PIK3R6: variants seen among roughly 807,000 people sequenced by gnomAD.
PIK3R6 encodes phosphoinositide 3-kinase regulatory subunit 6.
In PIK3R6, 91 loss-of-function variants were observed where a neutral mutation model predicts 84.9. The ratio of observed to expected loss-of-function variants is 1.07; its 90% CI spans 0.90 to 1.28. PIK3R6 has a LOEUF of 1.28. Among genes scored for constraint, PIK3R6 ranks in the 50% most tolerant of loss-of-function variants. PIK3R6 has a pLI of 0.00. For synonymous variants in PIK3R6, 416 were observed against 411.4 expected (o/e 1.01, Z -0.13); for missense variants, 996 against 985.1 (o/e 1.01, Z -0.15).
chr17:8,843,015 C>T (rs35820066), intron 2 of PIK3R6, among the ~76,000 whole-genome samples: 2 of 152,108 alleles, frequency 1.3e-5, no homozygotes, highest in East Asian at 3.9e-4. Flanking sequence ...ATCCCTGAAG[C>T]CCCCACTTGG....
chr17:8,827,487 A>C (rs2087962492), intron 12 of PIK3R6, among the ~76,000 whole-genome samples, 193 bp from the exon 13 acceptor site: 1 of 152,190 alleles, frequency 6.6e-6, no homozygotes, highest in African/African-American at 2.4e-5. Flanking sequence ...GCTGAGGTTC[A>C]CTCAGCAGGG....
intron 12 of PIK3R6, 43 bp from the exon 13 acceptor site, chr17:8,827,337 CA>C: frequency 6.5e-7 from 1 of 1,538,766 alleles, no homozygotes; most frequent in Non-Finnish European, 8.7e-7. Context: ...GCCCTCTCTC[CA>C]GCTCTGCCTT....
Position 8,837,792 on chromosome 17 carries a change from C to A in PIK3R6, c.258+11G>T. Reference sequence around the variant, plus strand: ...TCACCACTACCACCTCGACCTCAGTCCCCAGCTCACCTTGGTGAGCACGTA... The same window carrying A: ...TCACCACTACCACCTCGACCTCAGTACCCAGCTCACCTTGGTGAGCACGTA... On this transcript the variant is annotated intron_variant, in intron 5 of 19. Transcript: ENST00000619866. 1 of 1,611,260 alleles carries A rather than the reference C, an allele frequency of 6.2e-7. No individual in the cohort carries two copies. Among genetic ancestry groups the A allele is most frequent in the South Asian group, 1.1e-5 (1 of 90,946 alleles).
At chr17:8,833,096 C>T in intron 8 of PIK3R6, 51 bp from the exon 9 acceptor site, 1 of 1,493,918 alleles carries the variant, frequency 6.7e-7, no homozygotes, top group East Asian at 2.5e-5. Flanking sequence ...GCCCACGCAC[C>T]CCAGCTCCTA....
Position 8,835,362 on chromosome 17 carries a change from C to T in PIK3R6, c.556G>A (p.Glu186Lys). Reference sequence around the variant, plus strand: ...GAGACCACGTGGCGCATGCAGGTCTCTGGTGTCTGCTGCGCCTGGGCCGCC... The same window carrying T: ...GAGACCACGTGGCGCATGCAGGTCTTTGGTGTCTGCTGCGCCTGGGCCGCC... ...IEAAQAQQTP[E>K]TCMRHVVSHA... The change falls in exon 8 of 20, where the codon GAG (glutamate) becomes AAG (lysine). Residue 186 changes from glutamate to lysine, a missense_variant. Transcript: ENST00000619866. The T allele has an allele frequency of 6.2e-7, 1 of 1,611,978 alleles. No individual in the cohort carries two copies. Among genetic ancestry groups the T allele is most frequent in the Non-Finnish European group, 8.5e-7 (1 of 1,178,646 alleles).
chr17:8,859,542 A>G (rs1187471166), intron 1 of PIK3R6, among the ~76,000 whole-genome samples: 1 of 152,210 alleles, frequency 6.6e-6, no homozygotes, highest in Non-Finnish European at 1.5e-5. Flanking sequence ...GGCTATTTCC[A>G]GGAAAGATGA....
intron 1 of PIK3R6, among the ~76,000 whole-genome samples, chr17:8,863,425 A>C (rs915917132): frequency 6.6e-6 from 1 of 152,136 alleles, no homozygotes; most frequent in Non-Finnish European, 1.5e-5. Flanking sequence ...ATTATTAACT[A>C]TAGTCACCCT....
At chr17:8,840,855 C>A (rs952060188) in intron 2 of PIK3R6, among the ~76,000 whole-genome samples, 2 of 151,618 alleles carry the variant, frequency 1.3e-5, no homozygotes, top group African/African-American at 4.8e-5. Context: ...TGGGTTCACG[C>A]CATTCTCCTG....
chr17:8,822,654 C>A lies in PIK3R6; in HGVS notation c.1721G>T (p.Gly574Val), dbSNP rs372588477. The A allele has an allele frequency of 1.2e-6, 2 of 1,613,844 alleles. No individual in the cohort carries two copies. The highest frequency in any genetic ancestry group is 2.7e-5 in the African/African-American group (2 of 74,932). ...KIQDSKFPKD[G>V]FSPRRRGVAE... ...CACGCCTCTCCTCCTGGGTGAAAAGCCATCTGTGGGGAGATGAGAAGAGGC... is the reference window on the plus strand; with the variant it reads ...CACGCCTCTCCTCCTGGGTGAAAAGACATCTGTGGGGAGATGAGAAGAGGC... The change falls in exon 16 of 20, where the codon GGC becomes GTC. Residue 574 changes from glycine to valine, a missense_variant. Coordinates refer to ENST00000619866, the MANE Select transcript of PIK3R6 (RefSeq NM_001010855.4).
At chr17:8,821,702 C>A in intron 17 of PIK3R6, 144 bp downstream of exon 17, 1 of 876,844 alleles carries the variant, frequency 1.1e-6, no homozygotes, top group Admixed American at 2.2e-5. Flanking sequence ...CAGCAAGCAA[C>A]TTGAAGGCAG....
intron 2 of PIK3R6, among the ~76,000 whole-genome samples, chr17:8,840,362 G>A (rs1421252914): frequency 2.6e-5 from 3 of 114,516 alleles, no homozygotes; most frequent in Admixed American, 9.5e-5. Context: ...CTCCAAATAT[G>A]TATATGAAAT....
chr17:8,853,269 G>C (rs1316600391), intron 1 of PIK3R6, among the ~76,000 whole-genome samples: 1 of 150,096 alleles, frequency 6.7e-6, no homozygotes, highest in Non-Finnish European at 1.5e-5. Context: ...GCAGATCACA[G>C]GATCAGCAGA....
chr17:8,866,351 C>A (rs2089411658), intron 1 of PIK3R6, among the ~76,000 whole-genome samples: 1 of 152,124 alleles, frequency 6.6e-6, no homozygotes, highest in African/African-American at 2.4e-5. Context: ...TCCTGGCTAA[C>A]ACGGTGAAAA....
Position 8,802,772 on chromosome 17 carries a change from T to C in PIK3R6, c.*501A>G, listed in dbSNP as rs1358423988. The C allele has an allele frequency of 1.2e-5, 2 of 160,082 alleles. No individual in the cohort carries two copies. Among genetic ancestry groups the C allele is most frequent in the East Asian group, 3.8e-4 (2 of 5,256 alleles). The allele number at this position is 160,082 out of a possible 1,614,324, so 9.9% of individuals were successfully genotyped here. ...TGTACATTTATTGAGTCTGACATTTTTCTCTCACCTGATAGAGACACCTGC... is the reference window on the plus strand; with the variant it reads ...TGTACATTTATTGAGTCTGACATTTCTCTCTCACCTGATAGAGACACCTGC... On this transcript the variant is annotated 3_prime_UTR_variant, in exon 20 of 20. Transcript: ENST00000619866.
chr17:8,821,966 G>A (rs1417184285), intron 16 of PIK3R6, 30 bp from the exon 17 acceptor site: 28 of 1,526,824 alleles, frequency 1.8e-5, no homozygotes, highest in Non-Finnish European at 2.4e-5. Flanking sequence ...AACAGGTGGA[G>A]GTGCTCAGGA....
Position 8,839,163 on chromosome 17 carries a change from C to T in PIK3R6, c.97+451G>A, listed in dbSNP as rs1187409782. On this transcript the variant is annotated intron_variant, in intron 3 of 19. Coordinates refer to ENST00000619866, the MANE Select transcript of PIK3R6 (RefSeq NM_001010855.4). This position sits in a 1 kb window ranked among gnomAD's most constrained non-coding sequence, Gnocchi z 4.2. ...AGGAGTTCGAGACCAACCTGGCCAA[C>T]ATGGTGAAACTGCATCTCTACGAAA... Among the ~76,000 whole-genome samples the T allele has an allele frequency of 6.6e-6, 1 of 152,004 alleles. No homozygotes were observed. The highest frequency in any genetic ancestry group is 1.5e-5 in the Non-Finnish European group (1 of 68,002).
chr17:8,829,249 G>T lies in PIK3R6; in HGVS notation c.890-259C>A, dbSNP rs543674660. 2.7e-5 allele frequency among the ~76,000 whole-genome samples: 4 copies of T among 149,688 alleles called. No homozygotes were observed. In the East Asian group the frequency reaches 7.9e-4, roughly 30 times the overall value. ...CAGAGACACACTGAAACACATGCATGCACGCATACACACACAGACACACTG... is the reference window on the plus strand; with the variant it reads ...CAGAGACACACTGAAACACATGCATTCACGCATACACACACAGACACACTG... On this transcript the variant is annotated intron_variant, in intron 10 of 19. Coordinates refer to ENST00000619866, the MANE Select transcript of PIK3R6 (RefSeq NM_001010855.4).
At chr17:8,835,168 A>T in intron 8 of PIK3R6, 105 bp downstream of exon 8, 1 of 1,189,988 alleles carries the variant, frequency 8.4e-7, no homozygotes, top group Non-Finnish European at 1.1e-6. Context: ...TTGGGGGAAA[A>T]GGTGATGCGA....
At position 8,829,760 on chromosome 17, in the gene PIK3R6, G is replaced by A; in HGVS notation, c.835C>T (p.Pro279Ser). 6.4e-7 allele frequency: 1 copy of A among 1,553,072 alleles called. No homozygotes were observed. Among genetic ancestry groups the A allele is most frequent in the South Asian group, 1.2e-5 (1 of 84,106 alleles). The change falls in exon 10 of 20, where the codon CCC becomes TCC. Residue 279 changes from proline (P) to serine (S), a missense_variant. Pro to Ser is a moderately conservative substitution (Grantham distance 74, BLOSUM62 -1). Transcript: ENST00000619866. ...DLVQERPPSIPLPSPYITFHL... is the reference protein window; with the variant it reads ...DLVQERPPSISLPSPYITFHL... ...AAGGTGATGTAGGGGCTGGGCAGGGGAATGCTTGGTGGCCGCTCTTGGACA... is the reference window on the plus strand; with the variant it reads ...AAGGTGATGTAGGGGCTGGGCAGGGAAATGCTTGGTGGCCGCTCTTGGACA...
Sources: allele counts gnomAD v4.1 joint callset (sites outside exome capture counted in the v4.1 genomes callset), GRCh38; gene constraint gnomAD v4.1.1; non-coding constraint Gnocchi (gnomAD v3.1); transcripts MANE v1.5; gene names NCBI Gene and HGNC (gene_info 2026-07-23, HGNC 2026-07-21).